Variants in IFT52 observed in about 807,000 individuals in gnomAD.
The protein encoded by IFT52 is intraflagellar transport 52, also known as intraflagellar transport protein 52 homolog.
IFT52 carries 44 observed loss-of-function variants against 54.4 expected under a neutral mutation model. The observed-to-expected ratio is 0.81, with a 90% CI of 0.63 to 1.04. The LOEUF (loss-of-function observed/expected upper bound fraction) is 1.04, where lower values mean the gene tolerates loss of function less well. IFT52 is among the 50% of genes least tolerant of loss of function. IFT52 has a pLI of 0.00. For missense variants in IFT52, 452 were observed against 523.6 expected (o/e 0.86, Z 1.33); for synonymous variants, 181 against 185.3 (o/e 0.98, Z 0.19).
At chr20:43,591,728 A>G (rs6017120) in intron 1 of IFT52, among the ~76,000 whole-genome samples, 118,178 of 152,114 alleles carry the variant, frequency 0.78, 46,229 homozygotes, top group Non-Finnish European at 0.81. Flanking sequence ...ATTATAACAT[A>G]AAGGTATAGC....
chr20:43,618,727 G>T (rs934548797), intron 7 of IFT52, among the ~76,000 whole-genome samples: 4 of 151,958 alleles, frequency 2.6e-5, no homozygotes, highest in South Asian at 4.2e-4. Context: ...CAGGTGATCC[G>T]CCTGCCTCGG....
chr20:43,594,758 C>T lies in IFT52; in HGVS notation c.60C>T (p.Thr20=). Residue 20 remains threonine (T), a synonymous_variant, in exon 2 of 14, where the codon ACC becomes ACT. Transcript: ENST00000373030. ...LFNAYKKEIF[T]TNNGYKSMQK... ...ATGCCTACAAAAAGGAGATATTTAC[C>T]ACCAACAATGGCTACAAATCCATGC... 1.2e-6 allele frequency: 2 copies of T among 1,613,412 alleles called. No homozygotes were observed. The highest frequency in any genetic ancestry group is 8.5e-7 in the Non-Finnish European group (1 of 1,179,408).
chr20:43,596,780 C>T (rs559587000), intron 3 of IFT52, among the ~76,000 whole-genome samples: 8 of 134,078 alleles, frequency 6.0e-5, no homozygotes, highest in African/African-American at 2.3e-4. Context: ...CTCGCTCTGT[C>T]GCCGAGGCTG....
intron 2 of IFT52, among the ~76,000 whole-genome samples, chr20:43,595,683 G>A (rs1278687001): frequency 6.6e-6 from 1 of 152,052 alleles, no homozygotes; most frequent in Non-Finnish European, 1.5e-5. Flanking sequence ...GTCAAGAGTT[G>A]GCGACCAGCC....
intron 2 of IFT52, among the ~76,000 whole-genome samples, chr20:43,596,051 T>G (rs1484724949): frequency 2.0e-5 from 3 of 152,244 alleles, no homozygotes; most frequent in Non-Finnish European, 4.4e-5. Context: ...TTGACTCAGG[T>G]CAGTACTAGG....
chr20:43,628,505 G>T (rs1427040372), intron 10 of IFT52, among the ~76,000 whole-genome samples: 1 of 152,182 alleles, frequency 6.6e-6, no homozygotes, highest in Non-Finnish European at 1.5e-5. Flanking sequence ...GATTGTGGAA[G>T]TTCTCAGGGC....
chr20:43,610,450 T>C (rs1337809698), intron 6 of IFT52, among the ~76,000 whole-genome samples: 2 of 151,918 alleles, frequency 1.3e-5, no homozygotes, highest in African/African-American at 4.8e-5. Flanking sequence ...AGAATCAATC[T>C]AGGCTGGGCG....
intron 3 of IFT52, among the ~76,000 whole-genome samples, chr20:43,603,439 C>G (rs1164030187): frequency 6.6e-6 from 1 of 152,164 alleles, no homozygotes; most frequent in Non-Finnish European, 1.5e-5. Context: ...GTAGGTACAA[C>G]TGGCATCTAG....
intron 1 of IFT52, among the ~76,000 whole-genome samples, chr20:43,593,895 C>A (rs908385361): frequency 1.3e-5 from 2 of 151,616 alleles, no homozygotes; most frequent in Admixed American, 6.6e-5. Context: ...TATGGTAGAT[C>A]CATGTGTACT....
chr20:43,606,514 T>G (rs987198105), intron 6 of IFT52, among the ~76,000 whole-genome samples: 9 of 152,000 alleles, frequency 5.9e-5, no homozygotes, highest in African/African-American at 2.2e-4. Context: ...CCTCAGGTGA[T>G]CCACCTGCCT....
intron 6 of IFT52, among the ~76,000 whole-genome samples, chr20:43,610,872 A>C (rs1983389195): frequency 6.6e-6 from 1 of 152,194 alleles, no homozygotes; most frequent in Non-Finnish European, 1.5e-5. Context: ...TCCCTCTCTT[A>C]CTTGCCAAGG....
intron 10 of IFT52, among the ~76,000 whole-genome samples, chr20:43,625,272 A>G (rs1984631134): frequency 6.6e-6 from 1 of 152,048 alleles, no homozygotes; most frequent in Admixed American, 6.6e-5. Flanking sequence ...GCACTTTGGG[A>G]GGCCAAGATG....
At chr20:43,633,491 C>G (rs1489935106) in intron 10 of IFT52, among the ~76,000 whole-genome samples, 1 of 151,602 alleles carries the variant, frequency 6.6e-6, no homozygotes, top group Non-Finnish European at 1.5e-5. Context: ...GGGTGGATCA[C>G]GAGGTCAGGA....
At chr20:43,630,781 C>T (rs1369088570) in intron 10 of IFT52, among the ~76,000 whole-genome samples, 1 of 152,224 alleles carries the variant, frequency 6.6e-6, no homozygotes. Context: ...TTATATTTAG[C>T]TTTTGCATCT....
intron 10 of IFT52, among the ~76,000 whole-genome samples, chr20:43,635,244 A>G (rs1374876254): frequency 1.3e-5 from 2 of 151,504 alleles, no homozygotes; most frequent in African/African-American, 4.8e-5. Flanking sequence ...TAGTTTGCTA[A>G]GGATAATGGC....
chr20:43,606,315 C>T (rs1234288985), intron 6 of IFT52, among the ~76,000 whole-genome samples: 1 of 149,056 alleles, frequency 6.7e-6, no homozygotes, highest in Non-Finnish European at 1.5e-5. Flanking sequence ...ACTCTGTCAC[C>T]CAGGCTGGAG....
chr20:43,644,650 T>G (rs1986109313), intron 13 of IFT52, among the ~76,000 whole-genome samples: 1 of 55,142 alleles, frequency 1.8e-5, no homozygotes, highest in Admixed American at 2.2e-4. Flanking sequence ...TGTGGTGGCG[T>G]GCACCTGTAG....
rs770022488 is a variant in IFT52 at position 43,642,624 on chromosome 20, G to A, written c.1266G>A (p.Gln422=). The change falls in exon 13 of 14, where the codon CAG becomes CAA. Residue 422 remains glutamine (Q), a splice_region_variant and synonymous_variant. Coordinates refer to ENST00000373030, the MANE Select transcript of IFT52 (RefSeq NM_016004.5). ...TGGTGGAGTTCAAGAAATTGAACCA[G>A]GTACAGAGCCTACAAGGCACAGTGT... ...FQVVEFKKLN[Q]EHDIDTSETA... is the part of the protein sequence containing the mutation. 2.5e-6 allele frequency: 4 copies of A among 1,613,940 alleles called. No homozygotes were observed. Among genetic ancestry groups the A allele is most frequent in the East Asian group, 4.5e-5 (2 of 44,886 alleles).
intron 10 of IFT52, among the ~76,000 whole-genome samples, chr20:43,631,789 G>T (rs1196936263): frequency 6.6e-6 from 1 of 152,128 alleles, no homozygotes; most frequent in Non-Finnish European, 1.5e-5. Context: ...CCTTCTGCCT[G>T]TTCTTGCTCT....
Sources: allele counts gnomAD v4.1 joint callset (sites outside exome capture counted in the v4.1 genomes callset), GRCh38; gene constraint gnomAD v4.1.1; transcripts MANE v1.5; gene names NCBI Gene and HGNC (gene_info 2026-07-23, HGNC 2026-07-21).